Variants in RNF180 observed in about 807,000 individuals in gnomAD.
RNF180 encodes the protein ring finger protein 180.
A neutral mutation model predicts 59.2 loss-of-function variants in RNF180; 38 were observed. The observed-to-expected ratio is 0.64, with a 90% CI of 0.50 to 0.84. RNF180 has a LOEUF of 0.84. RNF180 is among the 40% of genes least tolerant of loss of function. The probability of loss-of-function intolerance (pLI) is 0.00; values close to 1 mark genes in which losing one functional copy is unlikely to be tolerated. For synonymous variants in RNF180, 262 were observed against 240.3 expected (o/e 1.09, Z -0.84); for missense variants, 705 against 700.9 (o/e 1.01, Z -0.07).
At chr5:64,322,269 G>C (rs1227016051) in intron 5 of RNF180, among the ~76,000 whole-genome samples, 2 of 151,924 alleles carry the variant, frequency 1.3e-5, no homozygotes, top group African/African-American at 4.8e-5. Context: ...TCTGACTATG[G>C]TCTAGTATCC....
At chr5:64,291,825 G>A (rs1035389812) in intron 5 of RNF180, among the ~76,000 whole-genome samples, 1 of 152,046 alleles carries the variant, frequency 6.6e-6, no homozygotes, top group Non-Finnish European at 1.5e-5. Flanking sequence ...CATGTTTCTT[G>A]AAGGTTTTAT....
At position 64,335,786 on chromosome 5, in the gene RNF180, T is replaced by C. The variant is rs534732035; in HGVS notation, c.1579+5380T>C. 3.9e-5 allele frequency among the ~76,000 whole-genome samples: 6 copies of C among 152,256 alleles called. No individual in the cohort carries two copies. In the East Asian group the frequency reaches 1.2e-3, roughly 29 times the overall value. ...CCATATAAATTTTTAAATCACCTGG[T>C]CAAGCTGCATGAAAAACTATGTTCT... On this transcript the variant is annotated intron_variant, in intron 7 of 7. Coordinates refer to ENST00000389100, the MANE Select transcript of RNF180 (RefSeq NM_001113561.2).
intron 5 of RNF180, among the ~76,000 whole-genome samples, chr5:64,286,408 G>A (rs1742286446): frequency 6.6e-6 from 1 of 152,162 alleles, no homozygotes; most frequent in Non-Finnish European, 1.5e-5. Context: ...CAATGCACTA[G>A]CAGGCTATAA....
chr5:64,283,639 A>G (rs986064255), intron 5 of RNF180, among the ~76,000 whole-genome samples: 5 of 152,078 alleles, frequency 3.3e-5, no homozygotes, highest in African/African-American at 9.7e-5. Context: ...TGATGGTTTT[A>G]TAAGTGTCTG....
chr5:64,311,604 A>AT (rs1743769352), intron 5 of RNF180, among the ~76,000 whole-genome samples: 1 of 151,708 alleles, frequency 6.6e-6, no homozygotes, highest in African/African-American at 2.4e-5. Flanking sequence ...GTTTTTGAAG[A>AT]TTTTTTCATA....
At chr5:64,188,178 A>G (rs1750962142) in intron 1 of RNF180, among the ~76,000 whole-genome samples, 1 of 152,196 alleles carries the variant, frequency 6.6e-6, no homozygotes, top group Non-Finnish European at 1.5e-5. Context: ...CGGATGCCAA[A>G]GCCCATTTCA....
intron 5 of RNF180, among the ~76,000 whole-genome samples, chr5:64,240,602 T>C (rs1054208334): frequency 6.6e-6 from 1 of 152,204 alleles, no homozygotes; most frequent in Admixed American, 6.5e-5. Context: ...CCTAAAAGTG[T>C]GGTTTTACAA....
intron 5 of RNF180, among the ~76,000 whole-genome samples, chr5:64,302,750 A>G (rs1049441824): frequency 7.3e-5 from 11 of 151,686 alleles, no homozygotes; most frequent in African/African-American, 2.7e-4. Context: ...ATGAGAAAAC[A>G]TACATAGCCT....
At chr5:64,221,691 G>C (rs1741347906) in intron 5 of RNF180, among the ~76,000 whole-genome samples, 1 of 152,126 alleles carries the variant, frequency 6.6e-6, no homozygotes, top group Non-Finnish European at 1.5e-5. Context: ...GATTGATAAT[G>C]CCTTTACCTG....
Position 64,300,985 on chromosome 5 carries a change from A to G in RNF180, c.1228-24201A>G, listed in dbSNP as rs1743132440. On this transcript the variant is annotated intron_variant, in intron 5 of 7. Transcript: ENST00000389100. ...CTGTATGCCCAGGAGCTCCTGCCTC[A>G]CTCTCAAAGACATCACAAACCCAGA... is the stretch of plus-strand genomic sequence containing the variant. 5.3e-5 allele frequency among the ~76,000 whole-genome samples: 8 copies of G among 151,672 alleles called. No homozygotes were observed. In the South Asian group the frequency reaches 1.7e-3, roughly 31 times the overall value.
intron 5 of RNF180, among the ~76,000 whole-genome samples, chr5:64,262,258 G>C (rs1051231049): frequency 2.0e-5 from 3 of 152,048 alleles, no homozygotes; most frequent in Admixed American, 1.3e-4. Flanking sequence ...CATTCTTTAA[G>C]ATTACTTTCT....
chr5:64,259,943 A>T (rs115275060), intron 5 of RNF180, among the ~76,000 whole-genome samples: 101 of 152,248 alleles, frequency 6.6e-4, no homozygotes, highest in African/African-American at 2.3e-3. Flanking sequence ...CAAAAAAATT[A>T]AAAAAATTCA....
At chr5:64,182,018 G>A (rs914155667) in intron 1 of RNF180, among the ~76,000 whole-genome samples, 4 of 126,810 alleles carry the variant, frequency 3.2e-5, no homozygotes, top group Admixed American at 2.7e-4. Flanking sequence ...TTGAGACAGA[G>A]TCTCGCTCTG....
intron 5 of RNF180, among the ~76,000 whole-genome samples, chr5:64,283,338 A>G (rs1249075529): frequency 6.6e-6 from 1 of 151,630 alleles, no homozygotes; most frequent in Non-Finnish European, 1.5e-5. Context: ...ATTTTTCTTC[A>G]TCCCTTTCCT....
intron 7 of RNF180, among the ~76,000 whole-genome samples, chr5:64,341,152 C>T (rs929698619): frequency 6.6e-6 from 1 of 152,056 alleles, no homozygotes; most frequent in Non-Finnish European, 1.5e-5. Context: ...AACCAGTAAC[C>T]ACAAGACTTC....
Position 64,314,335 on chromosome 5 carries a change from C to A in RNF180, c.1228-10851C>A, listed in dbSNP as rs545745683. 1.4e-4 allele frequency among the ~76,000 whole-genome samples: 22 copies of A among 152,018 alleles called. No homozygotes were observed. The South Asian group carries it at 4.6e-3, about 32-fold the overall frequency. ...TCTTTGAGCTTTTATTTATTTGGGT[C>A]TCAGATAGATAGAATTTGTCATTAT... On this transcript the variant is annotated intron_variant, in intron 5 of 7. Transcript: ENST00000389100.
At chr5:64,358,943 GT>G (rs1167257017) in intron 7 of RNF180, among the ~76,000 whole-genome samples, 1 of 151,622 alleles carries the variant, frequency 6.6e-6, no homozygotes, top group African/African-American at 2.4e-5. Flanking sequence ...TTTCACCCAT[GT>G]CCCTACAAAG....
At chr5:64,289,007 G>A (rs1428788089) in intron 5 of RNF180, among the ~76,000 whole-genome samples, 2 of 152,128 alleles carry the variant, frequency 1.3e-5, no homozygotes. Context: ...TGCCCATTCG[G>A]TATGATACTG....
At chr5:64,356,265 A>C (rs996053981) in intron 7 of RNF180, among the ~76,000 whole-genome samples, 3 of 151,908 alleles carry the variant, frequency 2.0e-5, no homozygotes, top group South Asian at 4.1e-4. Context: ...ATCTCAAAAA[A>C]AAAAATAAAT....
Sources: gnomAD v4.1 joint callset for allele counts (sites outside exome capture counted in the v4.1 genomes callset) on GRCh38, gnomAD v4.1.1 for gene constraint, MANE v1.5 for transcripts, NCBI Gene and HGNC (gene_info 2026-07-23, HGNC 2026-07-21) for gene names.